EYA4: variants seen among roughly 807,000 people sequenced by gnomAD.
EYA4 encodes protein phosphatase EYA4.
In EYA4, 31 loss-of-function variants were observed where a neutral mutation model predicts 87.9. That is an observed-to-expected ratio of 0.35 (90% CI 0.27 to 0.48). The LOEUF is 0.48. Ranked by LOEUF, EYA4 falls within the 20% of genes least tolerant of loss-of-function variation. EYA4 has a pLI of 0.99. For missense variants in EYA4, 678 were observed against 761.4 expected, an observed-to-expected ratio of 0.89 and a Z score of 1.29; for synonymous variants, 263 against 270.6, an observed-to-expected ratio of 0.97 and a Z score of 0.28.
chr6:133,300,968 G>A (rs1033318249), intron 2 of EYA4, among the ~76,000 whole-genome samples: 2 of 152,118 alleles, frequency 1.3e-5, no homozygotes, highest in African/African-American at 2.4e-5. Flanking sequence ...GAAATTAAAA[G>A]CAAAGTTTTT....
chr6:133,359,086 A>C (rs1583054100), intron 2 of EYA4, among the ~76,000 whole-genome samples: 1 of 152,234 alleles, frequency 6.6e-6, no homozygotes, highest in East Asian at 1.9e-4. Flanking sequence ...AGAACACAGG[A>C]AACATGGAGA....
intron 1 of EYA4, among the ~76,000 whole-genome samples, chr6:133,256,552 A>G (rs547519498): frequency 6.6e-6 from 1 of 152,104 alleles, no homozygotes; most frequent in African/African-American, 2.4e-5. Flanking sequence ...TAAGTAATAA[A>G]TGACATTACT....
chr6:133,508,050 T>C (rs116926284), intron 14 of EYA4, among the ~76,000 whole-genome samples: 2 of 152,266 alleles, frequency 1.3e-5, no homozygotes, highest in East Asian at 3.9e-4. Context: ...GTTTGAGTTA[T>C]ATTTGAGACA....
intron 2 of EYA4, among the ~76,000 whole-genome samples, chr6:133,333,359 A>G (rs1782128779): frequency 6.6e-6 from 1 of 152,204 alleles, no homozygotes; most frequent in African/African-American, 2.4e-5. Flanking sequence ...ATGCATGGAA[A>G]TGTTTAAAAA....
At chr6:133,451,151 C>A (rs1397712577) in intron 5 of EYA4, among the ~76,000 whole-genome samples, 1 of 152,146 alleles carries the variant, frequency 6.6e-6, no homozygotes, top group Non-Finnish European at 1.5e-5. Flanking sequence ...TATACAATAC[C>A]TACACAAATT....
chr6:133,497,409 T>C (rs1409099084), intron 13 of EYA4, among the ~76,000 whole-genome samples: 2 of 152,188 alleles, frequency 1.3e-5, no homozygotes, highest in Non-Finnish European at 2.9e-5. Flanking sequence ...CCTAATGGGT[T>C]ATCACTTTTT....
chr6:133,525,117 T>C, intron 18 of EYA4, 37 bp from the exon 19 acceptor site: 1 of 1,613,650 alleles, frequency 6.2e-7, no homozygotes, highest in Non-Finnish European at 8.5e-7. Context: ...GCTAACCAGG[T>C]AACTTCACTC....
intron 10 of EYA4, among the ~76,000 whole-genome samples, chr6:133,467,999 T>G (rs556156725): frequency 6.6e-6 from 1 of 152,152 alleles, no homozygotes; most frequent in East Asian, 1.9e-4. Context: ...TCAGGTGGCA[T>G]GTAGTTTGTG....
chr6:133,424,774 C>G (rs1790520116), intron 3 of EYA4, among the ~76,000 whole-genome samples: 1 of 150,830 alleles, frequency 6.6e-6, no homozygotes, highest in Admixed American at 6.6e-5. Context: ...TGGCACCCCT[C>G]AAGAGCACAA....
intron 2 of EYA4, among the ~76,000 whole-genome samples, chr6:133,314,208 A>G (rs1454294715): frequency 6.6e-6 from 1 of 152,198 alleles, no homozygotes; most frequent in Non-Finnish European, 1.5e-5. Context: ...GGAAAAAAAT[A>G]TAGATGAGAA....
intron 18 of EYA4, among the ~76,000 whole-genome samples, chr6:133,523,672 A>C (rs1800382624): frequency 6.6e-6 from 1 of 152,188 alleles, no homozygotes; most frequent in East Asian, 1.9e-4. Flanking sequence ...TGCATTTCCA[A>C]AAATGTGCAG....
intron 9 of EYA4, among the ~76,000 whole-genome samples, chr6:133,464,181 A>G (rs573024078): frequency 6.6e-6 from 1 of 152,252 alleles, no homozygotes; most frequent in Admixed American, 6.5e-5. Flanking sequence ...TGATTTGAGA[A>G]ATCATTAAAT....
chr6:133,324,490 T>G (rs1438661097), intron 2 of EYA4, among the ~76,000 whole-genome samples: 1 of 152,198 alleles, frequency 6.6e-6, no homozygotes, highest in Non-Finnish European at 1.5e-5. Flanking sequence ...CAAGTATTTA[T>G]TATTTTAAAA....
chr6:133,261,802 G>T (rs933324079), intron 1 of EYA4, among the ~76,000 whole-genome samples: 8 of 152,048 alleles, frequency 5.3e-5, no homozygotes, highest in African/African-American at 1.9e-4. Flanking sequence ...ATAAAAACAG[G>T]TTTTCTTCCA....
At chr6:133,506,389 A>G (rs1202262127) in intron 14 of EYA4, 194 bp downstream of exon 14, 2 of 494,998 alleles carry the variant, frequency 4.0e-6, no homozygotes, top group South Asian at 4.6e-5. Context: ...AATAATACAT[A>G]TGTAGAACAA....
chr6:133,504,203 C>T (rs1031426507), intron 13 of EYA4, among the ~76,000 whole-genome samples: 1 of 152,178 alleles, frequency 6.6e-6, no homozygotes, highest in Admixed American at 6.5e-5. Context: ...CAGGCGTGAG[C>T]CACTGTGCCT....
At chr6:133,457,394 T>C (rs940157384) in intron 6 of EYA4, among the ~76,000 whole-genome samples, 6 of 152,158 alleles carry the variant, frequency 3.9e-5, no homozygotes, top group East Asian at 1.9e-4. Context: ...AAGAAGAACA[T>C]TAAACCTAGG....
At chr6:133,273,022 A>G (rs1037238117) in intron 1 of EYA4, among the ~76,000 whole-genome samples, 1 of 151,066 alleles carries the variant, frequency 6.6e-6, no homozygotes, top group African/African-American at 2.4e-5. Flanking sequence ...GATGCTCATT[A>G]GACACCCCAC....
At chr6:133,468,233 CCTT>C (rs1349547024) in intron 10 of EYA4, among the ~76,000 whole-genome samples, 4 of 151,922 alleles carry the variant, frequency 2.6e-5, no homozygotes, top group Admixed American at 6.6e-5. Flanking sequence ...GATTCCATCT[CCTT>C]CTTTCCTCTT....
Sources: gnomAD v4.1 joint callset for allele counts (sites outside exome capture counted in the v4.1 genomes callset) on GRCh38, gnomAD v4.1.1 for gene constraint, MANE v1.5 for transcripts, NCBI Gene and HGNC (gene_info 2026-07-23, HGNC 2026-07-21) for gene names.